The following DENND1B variants were observed in gnomAD, a reference collection of about 807,000 sequenced individuals.
DENND1B encodes the protein DENN domain-containing protein 1B.
In DENND1B, 59 loss-of-function variants were observed where a neutral mutation model predicts 90.1. That is an observed-to-expected ratio of 0.65 (90% CI 0.53 to 0.81). DENND1B has a LOEUF of 0.81. Ranked by LOEUF, DENND1B falls within the 40% of genes least tolerant of loss-of-function variation. The probability of loss-of-function intolerance (pLI) is 0.00; values close to 1 mark genes in which losing one functional copy is unlikely to be tolerated. For missense variants in DENND1B, 862 were observed against 912.6 expected (o/e 0.94, Z 0.71); for synonymous variants, 337 against 324.6 (o/e 1.04, Z -0.41).
intron 10 of DENND1B, among the ~76,000 whole-genome samples, chr1:197,630,588 A>T (rs1215004373): frequency 6.6e-6 from 1 of 152,156 alleles, no homozygotes; most frequent in Non-Finnish European, 1.5e-5. Flanking sequence ...CTAAAAGTTT[A>T]TTCTAAACTA....
At chr1:197,640,381 G>A (rs1241479393) in intron 10 of DENND1B, among the ~76,000 whole-genome samples, 3 of 151,440 alleles carry the variant, frequency 2.0e-5, no homozygotes, top group Non-Finnish European at 4.4e-5. Flanking sequence ...GCTGAGGTAG[G>A]AGAATATCTT....
intron 6 of DENND1B, among the ~76,000 whole-genome samples, chr1:197,656,815 T>A (rs535798676): frequency 3.6e-4 from 53 of 147,254 alleles, no homozygotes; most frequent in South Asian, 2.8e-3. Flanking sequence ...AAAAAAAATT[T>A]AAAAAAAAAA....
intron 2 of DENND1B, among the ~76,000 whole-genome samples, chr1:197,727,750 G>A (rs910369613): frequency 5.3e-5 from 8 of 152,040 alleles, no homozygotes; most frequent in East Asian, 1.9e-4. Flanking sequence ...TTAGATCAGC[G>A]GTAAGAAGGA....
intron 2 of DENND1B, among the ~76,000 whole-genome samples, chr1:197,718,560 A>G (rs919760197): frequency 6.6e-6 from 1 of 152,056 alleles, no homozygotes. Flanking sequence ...GCATCTATAT[A>G]TATAATGTAA....
chr1:197,684,946 G>A (rs935086400), intron 3 of DENND1B, among the ~76,000 whole-genome samples: 11 of 151,982 alleles, frequency 7.2e-5, no homozygotes, highest in Non-Finnish European at 1.2e-4. Flanking sequence ...GTAAAACCCC[G>A]TCTCTACTAA....
rs1290689518 is a variant in DENND1B, at chr1:197,672,134, G to A, written c.199C>T (p.Gln67Ter). The A allele has an allele frequency of 1.2e-6, 2 of 1,610,364 alleles. No homozygotes were observed. Among genetic ancestry groups the A allele is most frequent in the Non-Finnish European group, 1.7e-6 (2 of 1,178,202 alleles). The change falls in exon 5 of 23, where the codon CAG becomes TAG. Residue 67 changes from glutamine to a stop codon, truncating the protein, a stop_gained. Transcript: ENST00000620048. LOFTEE classifies it high-confidence loss of function. ...TCTGTCAGTACAAAGGTAAAGTGCT[G>A]TCCAACTTGATTCTGAGACACCCTA... ...VERVSQNQVG[Q>*]HFTFVLTDIE...
chr1:197,510,676 C>T lies in DENND1B; in HGVS notation c.2112G>A (p.Arg704=). The T allele has an allele frequency of 6.2e-7, 1 of 1,612,762 alleles. No individual in the cohort carries two copies. Among genetic ancestry groups the T allele is most frequent in the Non-Finnish European group, 8.5e-7 (1 of 1,179,216 alleles). The change falls in exon 23 of 23, where the codon AGG becomes AGA. Residue 704 remains arginine, a synonymous_variant. Transcript: ENST00000620048. ...CATCTGAAATCTGGCTTAGTGTTTC[C>T]CTCTTTTCTGTTTTTCCTTTATCAG... is the stretch of plus-strand genomic sequence containing the variant. ...SQTDKGKTEK[R]ETLSQISDDL...
At chr1:197,713,722 C>T (rs1176599326) in intron 3 of DENND1B, among the ~76,000 whole-genome samples, 32 of 64,132 alleles carry the variant, frequency 5.0e-4, no homozygotes, top group African/African-American at 1.6e-3. Flanking sequence ...TACTCTAAAA[C>T]TTAGAGTATA....
intron 7 of DENND1B, among the ~76,000 whole-genome samples, chr1:197,648,647 T>A (rs1421428674): frequency 6.6e-6 from 1 of 152,172 alleles, no homozygotes; most frequent in African/African-American, 2.4e-5. Context: ...CCCAGGCTCT[T>A]CTTTATTCTC....
chr1:197,660,221 G>T (rs1167251607), intron 5 of DENND1B, among the ~76,000 whole-genome samples: 3 of 152,046 alleles, frequency 2.0e-5, no homozygotes, highest in East Asian at 1.9e-4. Context: ...ACGCTTGTAA[G>T]TTCTATTCCT....
At chr1:197,635,117 C>G (rs1679668567) in intron 10 of DENND1B, among the ~76,000 whole-genome samples, 1 of 152,176 alleles carries the variant, frequency 6.6e-6, no homozygotes, top group South Asian at 2.1e-4. Context: ...TTTAAAGAGA[C>G]AAATGTCAAA....
At chr1:197,652,727 G>T (rs1052838059) in intron 6 of DENND1B, among the ~76,000 whole-genome samples, 77 of 152,036 alleles carry the variant, frequency 5.1e-4, no homozygotes, top group African/African-American at 1.6e-3. Flanking sequence ...CAATTTTTAA[G>T]GAATAGAAAC....
intron 15 of DENND1B, among the ~76,000 whole-genome samples, chr1:197,570,714 C>T (rs1673075466): frequency 6.6e-6 from 1 of 152,058 alleles, no homozygotes; most frequent in Non-Finnish European, 1.5e-5. Flanking sequence ...TCCCTATGTC[C>T]CTAATCTTAG....
intron 3 of DENND1B, among the ~76,000 whole-genome samples, chr1:197,700,069 C>T (rs886698109): frequency 1.3e-5 from 2 of 152,138 alleles, no homozygotes; most frequent in Non-Finnish European, 2.9e-5. Context: ...TTATTTCCAT[C>T]AAACTACCAT....
intron 20 of DENND1B, among the ~76,000 whole-genome samples, chr1:197,522,130 G>GA (rs1668819862): frequency 6.6e-6 from 1 of 152,068 alleles, no homozygotes; most frequent in African/African-American, 2.4e-5. Context: ...GGTAGTTTCA[G>GA]AATAATAAGA....
At chr1:197,718,799 C>T (rs1457698657) in intron 2 of DENND1B, among the ~76,000 whole-genome samples, 3 of 152,148 alleles carry the variant, frequency 2.0e-5, no homozygotes, top group East Asian at 3.9e-4. Context: ...AGCAGAATAC[C>T]TTTTAGAAAC....
intron 15 of DENND1B, among the ~76,000 whole-genome samples, chr1:197,565,951 T>C (rs1189202080): frequency 9.7e-4 from 146 of 151,104 alleles, no homozygotes; most frequent in Non-Finnish European, 1.6e-3. Flanking sequence ...AATAAACATA[T>C]GTGTGCATGT....
At chr1:197,686,721 CTTT>C (rs767332497) in intron 3 of DENND1B, among the ~76,000 whole-genome samples, 1 of 145,380 alleles carries the variant, frequency 6.9e-6, no homozygotes, top group Non-Finnish European at 1.5e-5. Context: ...ATATCTGTCT[CTTT>C]TTTTTTTTTT....
intron 10 of DENND1B, among the ~76,000 whole-genome samples, chr1:197,626,229 G>A (rs1678702386): frequency 6.6e-6 from 1 of 151,860 alleles, no homozygotes; most frequent in African/African-American, 2.4e-5. Context: ...ATTTTTTTCA[G>A]CACCATACCA....
Sources: allele counts gnomAD v4.1 joint callset (sites outside exome capture counted in the v4.1 genomes callset), GRCh38; gene constraint gnomAD v4.1.1; transcripts MANE v1.5; gene names NCBI Gene and HGNC (gene_info 2026-07-23, HGNC 2026-07-21).